Variants in DHRSX observed in about 807,000 individuals in gnomAD.
DHRSX encodes the protein polyprenol dehydrogenase.
A neutral mutation model predicts 34.0 loss-of-function variants in DHRSX; 31 were observed. The ratio of observed to expected loss-of-function variants is 0.91; its 90% CI spans 0.69 to 1.23. DHRSX has a LOEUF of 1.23. DHRSX is among the 50% of genes most tolerant of loss of function. The probability of loss-of-function intolerance (pLI) is 0.00; values close to 1 mark genes in which losing one functional copy is unlikely to be tolerated. For missense variants in DHRSX, 414 were observed against 428.1 expected (o/e 0.97, Z 0.29); for synonymous variants, 201 against 183.8 (o/e 1.09, Z -0.76).
chrX:2,484,731 G>A (rs747584654), intron 1 of DHRSX, among the ~76,000 whole-genome samples: 26 of 152,194 alleles, frequency 1.7e-4, no homozygotes, highest in African/African-American at 5.8e-4. Context: ...GGGGCGGCGG[G>A]CCTGAGATCA....
chrX:2,395,874 T>G (rs1050646256), intron 3 of DHRSX, among the ~76,000 whole-genome samples: 1 of 152,116 alleles, frequency 6.6e-6, no homozygotes, highest in African/African-American at 2.4e-5. Context: ...CAACTAGATA[T>G]TCTATTCCTG....
intron 3 of DHRSX, among the ~76,000 whole-genome samples, chrX:2,353,156 G>T (rs1236432638): frequency 6.6e-5 from 10 of 152,300 alleles, no homozygotes; most frequent in African/African-American, 2.4e-4. Context: ...GAGGTGGGAA[G>T]ATTGCTTGAG....
At chrX:2,275,599 T>C (rs191020720) in intron 4 of DHRSX, among the ~76,000 whole-genome samples, 1 of 151,720 alleles carries the variant, frequency 6.6e-6, no homozygotes, top group Non-Finnish European at 1.5e-5. Context: ...GGTAACCGCC[T>C]CCCACATCTG....
intron 3 of DHRSX, among the ~76,000 whole-genome samples, chrX:2,320,844 T>C (rs1194638432): frequency 1.3e-5 from 2 of 151,900 alleles, no homozygotes; most frequent in African/African-American, 4.8e-5. Flanking sequence ...AATCAAGGTC[T>C]AAAGATAAAG....
chrX:2,243,259 A>C, intron 5 of DHRSX, 29 bp from the exon 6 acceptor site: 1 of 1,602,502 alleles, frequency 6.2e-7, no homozygotes, highest in Non-Finnish European at 8.5e-7. Flanking sequence ...AAGGTGTAAG[A>C]GGCTGACGGC....
At chrX:2,392,971 AAT>A (rs919823928) in intron 3 of DHRSX, among the ~76,000 whole-genome samples, 221 of 143,982 alleles carry the variant, frequency 1.5e-3, no homozygotes, top group Non-Finnish European at 2.4e-3. Flanking sequence ...TTATATTACA[AAT>A]ATATGTTACA....
intron 1 of DHRSX, among the ~76,000 whole-genome samples, chrX:2,466,185 TC>T (rs2044493331): frequency 6.6e-6 from 1 of 152,210 alleles, no homozygotes; most frequent in Non-Finnish European, 1.5e-5. Context: ...ATGCCTGTAA[TC>T]CCAGCACTTT....
chrX:2,251,841 T>C (rs2016440565), intron 5 of DHRSX, among the ~76,000 whole-genome samples: 1 of 152,116 alleles, frequency 6.6e-6, no homozygotes, highest in Non-Finnish European at 1.5e-5. Context: ...AGGGGGTCCT[T>C]AGCCATGGAG....
intron 3 of DHRSX, among the ~76,000 whole-genome samples, chrX:2,383,367 TATCATCACC>T (rs1426602529): frequency 4.7e-5 from 7 of 150,102 alleles, no homozygotes; most frequent in African/African-American, 1.7e-4. Context: ...GCATAATCAT[TATCATCACC>T]ATCATCACCA....
chrX:2,299,280 T>C (rs73185773), intron 3 of DHRSX, among the ~76,000 whole-genome samples: 24,487 of 152,010 alleles, frequency 0.16, 2,650 homozygotes, highest in Non-Finnish European at 0.23. Context: ...CCTAACGGAG[T>C]GTGAATCCAC....
intron 1 of DHRSX, among the ~76,000 whole-genome samples, chrX:2,432,898 G>T (rs1052074595): frequency 8.5e-5 from 13 of 152,150 alleles, no homozygotes; most frequent in Non-Finnish European, 1.8e-4. Context: ...TGAGGTGGGG[G>T]TATCGCTTGA....
intron 4 of DHRSX, among the ~76,000 whole-genome samples, chrX:2,282,806 GAGAGAAA>G (rs2041738368): frequency 2.9e-5 from 2 of 69,544 alleles, no homozygotes; most frequent in African/African-American, 4.8e-5. Context: ...AAAGAGAGAA[GAGAGAAA>G]GAGAGAGAGG....
At chrX:2,413,254 G>C (rs937786218) in intron 2 of DHRSX, among the ~76,000 whole-genome samples, 20 of 151,996 alleles carry the variant, frequency 1.3e-4, no homozygotes, top group Non-Finnish European at 2.8e-4. Flanking sequence ...TAGGGGGGTG[G>C]GTTGCTGAGA....
Position 2,399,162 on chromosome X carries a change from A to G in DHRSX, c.286+9583T>C, listed in dbSNP as rs761507351. ...CTGAGATATGAAGAGCCCTGAAGAG[A>G]AGGAACACAATGAGACCTGCGAGGA... On this transcript the variant is annotated intron_variant, in intron 3 of 6. Coordinates refer to ENST00000334651, the MANE Select transcript of DHRSX (RefSeq NM_145177.3). Among the ~76,000 whole-genome samples the G allele has an allele frequency of 1.6e-3, 240 of 152,046 alleles. 1 individual carries two copies. The highest frequency in any genetic ancestry group is 5.1e-3 in the African/African-American group (212 of 41,444).
chrX:2,386,394 T>G (rs1171311037), intron 3 of DHRSX, among the ~76,000 whole-genome samples: 2 of 151,940 alleles, frequency 1.3e-5, no homozygotes, highest in Non-Finnish European at 2.9e-5. Context: ...AATTTTTGTA[T>G]TTTTAGTAGA....
chrX:2,235,912 G>C (rs1602771816), intron 6 of DHRSX, among the ~76,000 whole-genome samples: 3 of 149,482 alleles, frequency 2.0e-5, no homozygotes. Flanking sequence ...AAGAGATCAA[G>C]ACCATCCCGG....
At chrX:2,461,460 T>G (rs988678983) in intron 1 of DHRSX, among the ~76,000 whole-genome samples, 1 of 152,228 alleles carries the variant, frequency 6.6e-6, no homozygotes, top group African/African-American at 2.4e-5. Context: ...ACGCACAACC[T>G]ACTAGCTCAC....
intron 1 of DHRSX, among the ~76,000 whole-genome samples, chrX:2,425,529 G>A (rs2043834072): frequency 6.6e-6 from 1 of 152,104 alleles, no homozygotes; most frequent in African/African-American, 2.4e-5. Context: ...TAAATCCCCT[G>A]TCATCCCCTG....
chrX:2,465,251 G>C lies in DHRSX; in HGVS notation c.109+35566C>G, dbSNP rs762604470. 2.4e-3 allele frequency among the ~76,000 whole-genome samples: 358 copies of C among 152,260 alleles called. 3 individuals are homozygous for C. Among genetic ancestry groups the C allele is most frequent in the Middle Eastern group, 0.01 (3 of 294 alleles). On this transcript the variant is annotated intron_variant, in intron 1 of 6. Coordinates refer to ENST00000334651, the MANE Select transcript of DHRSX (RefSeq NM_145177.3). Reference sequence around the variant, plus strand: ...AGCTGTGGGAAAATGAGGCTCTTCAGGGCGCCTCCATGACTAGCCACGAAC... The same window carrying C: ...AGCTGTGGGAAAATGAGGCTCTTCACGGCGCCTCCATGACTAGCCACGAAC...
Sources: gnomAD v4.1 joint callset for allele counts (sites outside exome capture counted in the v4.1 genomes callset) on GRCh38, gnomAD v4.1.1 for gene constraint, MANE v1.5 for transcripts, NCBI Gene and HGNC (gene_info 2026-07-23, HGNC 2026-07-21) for gene names.